DAPL1: variants seen among roughly 807,000 people sequenced by gnomAD.
DAPL1 encodes the protein death associated protein like 1.
In DAPL1, 17 loss-of-function variants were observed where a neutral mutation model predicts 12.9. The ratio of observed to expected loss-of-function variants is 1.32; its 90% CI spans 0.90 to 1.98. DAPL1 has a LOEUF of 1.98. Ranked by LOEUF, DAPL1 falls within the 30% of genes most tolerant of loss-of-function variation. The pLI is 0.00. For synonymous variants in DAPL1, 51 were observed against 42.0 expected (o/e 1.21, Z -0.82); for missense variants, 157 against 125.7 (o/e 1.25, Z -1.19).
chr2:158,805,012 A>G lies in DAPL1; in HGVS notation c.146+643A>G, dbSNP rs111876455. Among the ~76,000 whole-genome samples the G allele has an allele frequency of 4.1e-3, 617 of 152,274 alleles. 3 individuals are homozygous for G. Among genetic ancestry groups the G allele is most frequent in the Middle Eastern group, 6.8e-3 (2 of 294 alleles). ...GGGTAAGGAAAACCAGAGCATTCCAAAAAACAAGAAACACGCAGAACTGTT... is the reference window on the plus strand; with the variant it reads ...GGGTAAGGAAAACCAGAGCATTCCAGAAAACAAGAAACACGCAGAACTGTT... On this transcript the variant is annotated intron_variant, in intron 2 of 3. Transcript: ENST00000309950.
At chr2:158,808,397 A>G (rs1441610712) in intron 3 of DAPL1, among the ~76,000 whole-genome samples, 1 of 152,188 alleles carries the variant, frequency 6.6e-6, no homozygotes, top group African/African-American at 2.4e-5. Flanking sequence ...TTACGTGGAG[A>G]CAATGAGCTC....
rs61740880 is a variant in DAPL1, at chr2:158,815,739, C to A, written c.242C>A (p.Ala81Glu). ...NYKFPATVHMAHQKPTPALEK... is the reference protein window; with the variant it reads ...NYKFPATVHMEHQKPTPALEK... ...AAATTTCCAGCAACAGTGCACATGG[C>A]GCATCAAAAACCCACACCTGCTCTG... Residue 81 changes from alanine to glutamate, a missense_variant, in exon 4 of 4, where the codon GCG becomes GAG. Physicochemically the swap from Ala to Glu is moderately radical, Grantham distance 107 (BLOSUM62 -1). Coordinates refer to ENST00000309950, the MANE Select transcript of DAPL1 (RefSeq NM_001017920.3). 8 of 1,613,652 alleles carry A rather than the reference C, an allele frequency of 5.0e-6. No homozygotes were observed. Among genetic ancestry groups the A allele is most frequent in the South Asian group, 4.4e-5 (4 of 91,078 alleles).
intron 1 of DAPL1, among the ~76,000 whole-genome samples, chr2:158,799,756 C>T (rs187951739): frequency 2.0e-5 from 3 of 152,266 alleles, no homozygotes; most frequent in African/African-American, 7.2e-5. Flanking sequence ...TTCCCTTATG[C>T]TTCCGAAATT....
At position 158,804,948 on chromosome 2, in the gene DAPL1, T is replaced by C. The variant is rs78973196; in HGVS notation, c.146+579T>C. On this transcript the variant is annotated intron_variant, in intron 2 of 3. Coordinates refer to ENST00000309950, the MANE Select transcript of DAPL1 (RefSeq NM_001017920.3). ...CAGAACTCAGCAGAGAGCTGTGGGC[T>C]GGATCAGGTAAGCAAATGGCCCAAC... is the stretch of plus-strand genomic sequence containing the variant. Among the ~76,000 whole-genome samples the C allele has an allele frequency of 6.9e-3, 1,058 of 152,314 alleles. 12 individuals are homozygous for C. Among genetic ancestry groups the C allele is most frequent in the African/African-American group, 0.023 (958 of 41,574 alleles).
At chr2:158,804,144 G>A (rs1468915289) in intron 1 of DAPL1, 138 bp from the exon 2 acceptor site, 2 of 571,180 alleles carry the variant, frequency 3.5e-6, no homozygotes, top group Admixed American at 3.2e-5. Flanking sequence ...ATTTTTTATT[G>A]TGTTGTTTTA....
intron 1 of DAPL1, among the ~76,000 whole-genome samples, chr2:158,799,467 C>T (rs1457570020): frequency 6.6e-6 from 1 of 151,806 alleles, no homozygotes; most frequent in Non-Finnish European, 1.5e-5. Flanking sequence ...TGAGCAAGAA[C>T]CTGATTGTGT....
intron 3 of DAPL1, 73 bp downstream of exon 3, chr2:158,807,188 C>T (rs924387155): frequency 1.2e-5 from 15 of 1,209,926 alleles, no homozygotes; most frequent in African/African-American, 8.9e-5. Flanking sequence ...GGTGAATGAG[C>T]GGATGACCAC....
chr2:158,815,770 G>T lies in DAPL1; in HGVS notation c.273G>T (p.Lys91Asn), dbSNP rs201479663. 4.3e-6 allele frequency: 7 copies of T among 1,613,978 alleles called. No homozygotes were observed. The highest frequency in any genetic ancestry group is 2.2e-5 in the East Asian group (1 of 44,902). The stretch of plus-strand genomic sequence containing the variant: ...AAAAACCCACACCTGCTCTGGAAAA[G>T]GTTGTTCCACTGAAAAGGATCTACA... ...AHQKPTPALE[K>N]VVPLKRIYII... The change falls in exon 4 of 4, where the codon AAG (lysine) becomes AAT (asparagine). Residue 91 changes from lysine (K) to asparagine (N), a missense_variant. Transcript: ENST00000309950.
chr2:158,804,140 T>C, intron 1 of DAPL1, 142 bp from the exon 2 acceptor site: 1 of 559,456 alleles, frequency 1.8e-6, no homozygotes. Flanking sequence ...ATATATTTTT[T>C]ATTGTGTTGT....
At chr2:158,795,719 G>C (rs2280184) in intron 1 of DAPL1, among the ~76,000 whole-genome samples, 6 of 151,888 alleles carry the variant, frequency 4.0e-5, no homozygotes, top group African/African-American at 1.5e-4. Context: ...TTCCTCCCTC[G>C]AGGCAGCATT....
intron 1 of DAPL1, among the ~76,000 whole-genome samples, chr2:158,797,167 T>C (rs559063902): frequency 1.3e-5 from 2 of 152,326 alleles, no homozygotes; most frequent in South Asian, 4.1e-4. Context: ...ACATAGCCTT[T>C]GGAATCAGAC....
At position 158,810,789 on chromosome 2, in the gene DAPL1, A is replaced by G. The variant is rs555743837; in HGVS notation, c.207+3674A>G. Among the ~76,000 whole-genome samples the G allele has an allele frequency of 1.0e-3, 154 of 152,316 alleles. 1 individual carries two copies. The South Asian group carries it at 0.029, about 29-fold the overall frequency. The stretch of plus-strand genomic sequence containing the variant: ...GTTGCCCAGTGGCAGAACACAAGAC[A>G]TGGTATTCCTGCAGAAAACAGGCTG... On this transcript the variant is annotated intron_variant, in intron 3 of 3. Coordinates refer to ENST00000309950, the MANE Select transcript of DAPL1 (RefSeq NM_001017920.3).
intron 2 of DAPL1, 32 bp downstream of exon 2, chr2:158,804,401 G>A: frequency 6.8e-7 from 1 of 1,476,768 alleles, no homozygotes; most frequent in Non-Finnish European, 9.4e-7. Flanking sequence ...CCATCACCTT[G>A]AGGAGTTTTG....
In DAPL1 at chr2:158,815,973, C is replaced by T. The variant is rs2059259693; in HGVS notation, c.*152C>T. 1.6e-6 allele frequency: 1 copy of T among 620,240 alleles called. No individual in the cohort carries two copies. The highest frequency in any genetic ancestry group is 2.9e-6 in the Non-Finnish European group (1 of 347,196). The allele number at this position is 620,240 out of a possible 1,614,324, so 38.4% of individuals were successfully genotyped here. A position where few individuals can be genotyped will look rare whatever the true frequency, so the allele number is the denominator to read the frequency against. On this transcript the variant is annotated 3_prime_UTR_variant, in exon 4 of 4. Transcript: ENST00000309950. ...CCTTTGACTTTAGGTAATAAAGCAT[C>T]CAAACTTGTAAATCTGACACATCCC...
intron 3 of DAPL1, among the ~76,000 whole-genome samples, chr2:158,813,781 G>A (rs541846582): frequency 1.3e-5 from 2 of 151,846 alleles, no homozygotes; most frequent in African/African-American, 4.8e-5. Flanking sequence ...GGTCTCGATC[G>A]CCTGACCTCA....
chr2:158,804,434 A>C, intron 2 of DAPL1, 65 bp downstream of exon 2: 1 of 1,215,014 alleles, frequency 8.2e-7, no homozygotes, highest in Non-Finnish European at 1.2e-6. Flanking sequence ...TCCAGGAGTT[A>C]TTTTAGGACA....
At chr2:158,800,372 T>G (rs187670912) in intron 1 of DAPL1, among the ~76,000 whole-genome samples, 1 of 152,278 alleles carries the variant, frequency 6.6e-6, no homozygotes, top group East Asian at 1.9e-4. Flanking sequence ...GACTGTACCT[T>G]TCTAGAACTC....
At chr2:158,811,087 T>A (rs1413727512) in intron 3 of DAPL1, among the ~76,000 whole-genome samples, 1 of 152,116 alleles carries the variant, frequency 6.6e-6, no homozygotes, top group African/African-American at 2.4e-5. Flanking sequence ...AAAACATCCA[T>A]AATGGGGTTG....
chr2:158,804,110 C>T (rs1352210464), intron 1 of DAPL1, among the ~76,000 whole-genome samples, 172 bp from the exon 2 acceptor site: 3 of 140,914 alleles, frequency 2.1e-5, no homozygotes, highest in Non-Finnish European at 4.6e-5. Flanking sequence ...CCACCCACAC[C>T]TGGTTTGCCA....
Sources: gnomAD v4.1 joint callset for allele counts (sites outside exome capture counted in the v4.1 genomes callset) on GRCh38, gnomAD v4.1.1 for gene constraint, MANE v1.5 for transcripts, NCBI Gene and HGNC (gene_info 2026-07-23, HGNC 2026-07-21) for gene names.